The following MIPOL1 variants were observed in gnomAD, a reference collection of about 807,000 sequenced individuals.
MIPOL1 encodes the protein mirror-image polydactyly gene 1 protein.
Under a neutral mutation model 60.9 loss-of-function variants are expected in MIPOL1, and 57 were observed. The ratio of observed to expected loss-of-function variants is 0.94; its 90% CI spans 0.76 to 1.17. The LOEUF is 1.17. MIPOL1 is among the 50% of genes most tolerant of loss of function. MIPOL1 has a pLI of 0.00. For synonymous variants in MIPOL1, 179 were observed against 168.8 expected (o/e 1.06, Z -0.47); for missense variants, 551 against 511.6 (o/e 1.08, Z -0.74).
intron 9 of MIPOL1, among the ~76,000 whole-genome samples, chr14:37,343,916 A>G (rs113587641): frequency 0.019 from 2,833 of 152,258 alleles, 44 homozygotes; most frequent in Non-Finnish European, 0.029. Context: ...GAGAGCTGGT[A>G]TCATGAATCC....
intron 11 of MIPOL1, among the ~76,000 whole-genome samples, chr14:37,448,619 A>G (rs1425429796): frequency 2.0e-5 from 3 of 152,214 alleles, no homozygotes; most frequent in Admixed American, 6.5e-5. Context: ...ACTGTATTCC[A>G]TAGCATAAAG....
At chr14:37,270,213 A>T (rs1324891448) in intron 5 of MIPOL1, among the ~76,000 whole-genome samples, 1 of 152,188 alleles carries the variant, frequency 6.6e-6, no homozygotes, top group Admixed American at 6.6e-5. Flanking sequence ...TTAAGTGTAT[A>T]TTGGGATGTT....
At chr14:37,229,022 A>G (rs1239808652) in intron 1 of MIPOL1, among the ~76,000 whole-genome samples, 1 of 147,638 alleles carries the variant, frequency 6.8e-6, no homozygotes, top group Non-Finnish European at 1.5e-5. Flanking sequence ...AAATAAGTCA[A>G]CAATTTCATC....
Position 37,548,186 on chromosome 14 carries a change from A to G in MIPOL1, c.*1215A>G, listed in dbSNP as rs957377299. 1.6e-4 allele frequency: 24 copies of G among 152,038 alleles called. 1 individual carries two copies. The highest frequency in any genetic ancestry group is 5.3e-4 in the African/African-American group (22 of 41,446). The allele number at this position is 152,038 out of a possible 1,614,324, so 9.4% of individuals were successfully genotyped here. On this transcript the variant is annotated 3_prime_UTR_variant, in exon 13 of 13. Coordinates refer to ENST00000684589, the MANE Select transcript of MIPOL1 (RefSeq NM_001388067.1). Reference sequence around the variant, plus strand: ...TTCTAAGTCTATACGTTTTTAATTCATCTTTAAGATTGAGCTAAATTATCT... The same window carrying G: ...TTCTAAGTCTATACGTTTTTAATTCGTCTTTAAGATTGAGCTAAATTATCT...
chr14:37,424,974 C>T (rs1348329249), intron 11 of MIPOL1, among the ~76,000 whole-genome samples: 1 of 152,188 alleles, frequency 6.6e-6, no homozygotes, highest in Non-Finnish European at 1.5e-5. Flanking sequence ...AGCTGATGTT[C>T]TACATGCATA....
intron 10 of MIPOL1, among the ~76,000 whole-genome samples, chr14:37,422,095 T>A (rs765923804): frequency 4.6e-5 from 7 of 152,038 alleles, no homozygotes; most frequent in Admixed American, 3.3e-4. Context: ...ACTTGAAAAC[T>A]GTTTTTGGTG....
At chr14:37,534,934 C>A (rs938810093) in intron 12 of MIPOL1, among the ~76,000 whole-genome samples, 1 of 152,036 alleles carries the variant, frequency 6.6e-6, no homozygotes, top group Non-Finnish European at 1.5e-5. Context: ...ATCTAACTTA[C>A]AAAGTCTTAA....
chr14:37,422,391 C>G (rs2093889186), intron 10 of MIPOL1, among the ~76,000 whole-genome samples: 1 of 151,386 alleles, frequency 6.6e-6, no homozygotes, highest in South Asian at 2.1e-4. Context: ...CATTCAATAT[C>G]AAAGATGGCT....
intron 12 of MIPOL1, among the ~76,000 whole-genome samples, chr14:37,540,880 C>G (rs2095527018): frequency 1.3e-5 from 2 of 152,170 alleles, no homozygotes. Context: ...CCATGTAAAA[C>G]TGCTTCTTTG....
chr14:37,421,552 G>A (rs2093873459), intron 10 of MIPOL1, among the ~76,000 whole-genome samples: 1 of 152,054 alleles, frequency 6.6e-6, no homozygotes, highest in African/African-American at 2.4e-5. Flanking sequence ...TACTTTAGAT[G>A]CTTTTCCCTA....
chr14:37,525,423 T>C (rs2095440795), intron 12 of MIPOL1, among the ~76,000 whole-genome samples: 1 of 152,224 alleles, frequency 6.6e-6, no homozygotes, highest in Admixed American at 6.5e-5. Flanking sequence ...TAAGTCTTGA[T>C]TACTTTTTAG....
chr14:37,541,726 C>A (rs1008126889), intron 12 of MIPOL1, among the ~76,000 whole-genome samples: 9 of 152,152 alleles, frequency 5.9e-5, no homozygotes, highest in African/African-American at 2.2e-4. Flanking sequence ...TTCCTTCCTC[C>A]ACACCTACAG....
At chr14:37,234,942 A>ATTTTTTTTTTTTTTTTTTT (rs5807941) in intron 1 of MIPOL1, among the ~76,000 whole-genome samples, 4 of 116,832 alleles carry the variant, frequency 3.4e-5, no homozygotes, top group Non-Finnish European at 3.5e-5. Flanking sequence ...CGTACGGCTA[A>ATTTTTTTTTTTTTTTTTTT]TTTTTTTTTT....
intron 7 of MIPOL1, among the ~76,000 whole-genome samples, chr14:37,297,061 A>C (rs185750583): frequency 9.9e-5 from 15 of 152,208 alleles, no homozygotes; most frequent in East Asian, 1.9e-4. Flanking sequence ...CCTCAATAAA[A>C]TACTGGCAAA....
intron 11 of MIPOL1, among the ~76,000 whole-genome samples, chr14:37,457,829 T>G (rs1044870898): frequency 2.0e-5 from 3 of 152,158 alleles, no homozygotes; most frequent in Non-Finnish European, 4.4e-5. Context: ...ACCTGTAGTA[T>G]CACACCACAA....
At chr14:37,234,781 CTT>C (rs1205535226) in intron 1 of MIPOL1, among the ~76,000 whole-genome samples, 1 of 143,560 alleles carries the variant, frequency 7.0e-6, no homozygotes, top group Non-Finnish European at 1.5e-5. Flanking sequence ...TAGCTGAATT[CTT>C]TTTTTTTTTT....
intron 7 of MIPOL1, among the ~76,000 whole-genome samples, chr14:37,306,926 C>T (rs2086832962): frequency 6.6e-6 from 1 of 151,768 alleles, no homozygotes; most frequent in East Asian, 1.9e-4. Flanking sequence ...TTATATATAA[C>T]TTAAAATTAC....
At chr14:37,409,927 C>G (rs1038751747) in intron 10 of MIPOL1, among the ~76,000 whole-genome samples, 20 of 152,098 alleles carry the variant, frequency 1.3e-4, no homozygotes, top group African/African-American at 4.3e-4. Context: ...TTTAATTGGG[C>G]TCCGAAAAGG....
Position 37,270,500 on chromosome 14 carries a change from A to G in MIPOL1, c.468A>G (p.Glu156=). 1 of 1,599,242 alleles carries G rather than the reference A, an allele frequency of 6.3e-7. No homozygotes were observed. The highest frequency in any genetic ancestry group is 8.5e-7 in the Non-Finnish European group (1 of 1,172,462). ...TGGAACTCCAAGAGAAAGAAACAGA[A>G]GCTAAAATTGCTGAAAAGACAGCAG... ...FKLELQEKET[E]AKIAEKTAAL... Residue 156 remains glutamate, a synonymous_variant, in exon 6 of 13, where the codon GAA becomes GAG. Coordinates refer to ENST00000684589, the MANE Select transcript of MIPOL1 (RefSeq NM_001388067.1).
Sources: allele counts gnomAD v4.1 joint callset (sites outside exome capture counted in the v4.1 genomes callset), GRCh38; gene constraint gnomAD v4.1.1; transcripts MANE v1.5; gene names NCBI Gene and HGNC (gene_info 2026-07-23, HGNC 2026-07-21).